The following MEGF11 variants were observed in gnomAD, a reference collection of about 807,000 sequenced individuals.
MEGF11 encodes the protein multiple epidermal growth factor-like domains protein 11.
Under a neutral mutation model 146.6 loss-of-function variants are expected in MEGF11, and 126 were observed. The observed-to-expected ratio is 0.86, with a 90% confidence interval of 0.74 to 1.00. The LOEUF is 1.00. Ranked by LOEUF, MEGF11 falls within the 50% of genes least tolerant of loss-of-function variation. MEGF11 has a pLI of 0.00. For missense variants in MEGF11, 1,509 were observed against 1,521.2 expected (o/e 0.99, Z 0.13); for synonymous variants, 532 against 583.4 (o/e 0.91, Z 1.27).
At chr15:66,221,622 T>TTTTTTTTTTTTTTTTTTTTTTTTTTTTGA (rs1247289020) in intron 1 of MEGF11, among the ~76,000 whole-genome samples, 1 of 151,742 alleles carries the variant, frequency 6.6e-6, no homozygotes, top group Non-Finnish European at 1.5e-5. Context: ...TCTCTTTATT[T>TTTTTTTTTTTTTTTTTTTTTTTTTTTTGA]GAGTATATGT....
chr15:65,947,096 A>G (rs2080222158), intron 10 of MEGF11, among the ~76,000 whole-genome samples: 1 of 152,122 alleles, frequency 6.6e-6, no homozygotes, highest in Non-Finnish European at 1.5e-5. Context: ...TAGTTTTCTT[A>G]TTAGCCCCAC....
At chr15:66,040,022 C>T (rs183303305) in intron 5 of MEGF11, among the ~76,000 whole-genome samples, 17 of 152,022 alleles carry the variant, frequency 1.1e-4, no homozygotes, top group Admixed American at 2.0e-4. Flanking sequence ...GACGGTCAGC[C>T]TTCTCTCATC....
intron 9 of MEGF11, among the ~76,000 whole-genome samples, chr15:65,959,589 CATA>C (rs1246005500): frequency 6.6e-6 from 1 of 152,160 alleles, no homozygotes; most frequent in Non-Finnish European, 1.5e-5. Flanking sequence ...ACTCTGGTCT[CATA>C]ATTCCATTTC....
rs2078370396 is a variant in MEGF11 at position 65,896,990 on chromosome 15, G to T, written c.*944C>A. ...CAATCTCAAGATTTATGAAGAACTT[G>T]AAAGCAAGTACTCTTGAGTCAAGGG... is the stretch of plus-strand genomic sequence containing the variant. On this transcript the variant is annotated 3_prime_UTR_variant, in exon 26 of 26. Coordinates refer to ENST00000395614, the MANE Select transcript of MEGF11 (RefSeq NM_001385028.1). The T allele has an allele frequency of 6.6e-6, 1 of 152,182 alleles. No homozygotes were observed. The highest frequency in any genetic ancestry group is 6.5e-5 in the Admixed American group (1 of 15,282). 9.4% of individuals were successfully genotyped at this position (152,182 alleles called of 1,614,324 possible).
At chr15:66,150,254 T>C (rs543054574) in intron 1 of MEGF11, among the ~76,000 whole-genome samples, 2 of 152,338 alleles carry the variant, frequency 1.3e-5, no homozygotes, top group South Asian at 4.2e-4. Context: ...GGGGTCCAGT[T>C]GGGATCAGGA....
intron 1 of MEGF11, among the ~76,000 whole-genome samples, chr15:66,243,677 TGCA>T (rs1483394674): frequency 6.6e-6 from 1 of 152,224 alleles, no homozygotes; most frequent in African/African-American, 2.4e-5. Context: ...GCTCATCCTC[TGCA>T]GGAGGAGAAA....
intron 9 of MEGF11, among the ~76,000 whole-genome samples, chr15:65,958,691 ACT>A (rs1160774229): frequency 6.6e-6 from 1 of 151,708 alleles, no homozygotes; most frequent in Admixed American, 6.6e-5. Context: ...GTGGGTTAAG[ACT>A]CTTTCTCCCA....
intron 5 of MEGF11, among the ~76,000 whole-genome samples, chr15:66,079,015 C>T (rs985251475): frequency 1.3e-5 from 2 of 152,214 alleles, no homozygotes; most frequent in African/African-American, 2.4e-5. Context: ...AGGAGCCACA[C>T]GTGCCAGGGC....
chr15:65,929,111 CA>C (rs2079478486), intron 12 of MEGF11, among the ~76,000 whole-genome samples: 1 of 152,130 alleles, frequency 6.6e-6, no homozygotes, highest in South Asian at 2.1e-4. Flanking sequence ...CTCAAGGTAA[CA>C]AAGGATGTGA....
chr15:66,092,567 TG>T (rs924196396), intron 5 of MEGF11, among the ~76,000 whole-genome samples: 2 of 152,182 alleles, frequency 1.3e-5, no homozygotes, highest in Non-Finnish European at 2.9e-5. Context: ...AAATTCACTC[TG>T]GGGGGCAAGT....
intron 15 of MEGF11, among the ~76,000 whole-genome samples, chr15:65,920,653 G>T (rs980184712): frequency 1.3e-5 from 2 of 152,216 alleles, no homozygotes; most frequent in African/African-American, 4.8e-5. Context: ...TGGACAGAAG[G>T]GGGGCTGGTG....
At chr15:66,234,321 A>G (rs2092041960) in intron 1 of MEGF11, among the ~76,000 whole-genome samples, 1 of 152,200 alleles carries the variant, frequency 6.6e-6, no homozygotes, top group Non-Finnish European at 1.5e-5. Flanking sequence ...AAGGACCTAG[A>G]TTCTTATTAT....
intron 5 of MEGF11, among the ~76,000 whole-genome samples, chr15:66,037,262 T>A (rs2083759540): frequency 6.6e-6 from 1 of 152,204 alleles, no homozygotes; most frequent in Non-Finnish European, 1.5e-5. Flanking sequence ...GATTTAGCAT[T>A]TCCGTCTCAT....
At chr15:65,922,534 T>C in intron 14 of MEGF11, 62 bp from the exon 15 acceptor site, 1 of 1,484,290 alleles carries the variant, frequency 6.7e-7, no homozygotes, top group South Asian at 1.4e-5. Flanking sequence ...CTAGCTACCC[T>C]TCCTGTTCCA....
intron 1 of MEGF11, among the ~76,000 whole-genome samples, chr15:66,166,731 G>T (rs1385890877): frequency 6.6e-6 from 1 of 151,754 alleles, no homozygotes; most frequent in Non-Finnish European, 1.5e-5. Flanking sequence ...TCCGCCTCTG[G>T]CTGGCTCCGC....
chr15:66,041,416 G>C (rs2083970791), intron 5 of MEGF11, among the ~76,000 whole-genome samples: 1 of 152,236 alleles, frequency 6.6e-6, no homozygotes, highest in African/African-American at 2.4e-5. Flanking sequence ...TTCCATGACA[G>C]TGAATGGAAC....
chr15:66,093,055 T>C (rs2086384493), intron 5 of MEGF11, among the ~76,000 whole-genome samples: 1 of 152,236 alleles, frequency 6.6e-6, no homozygotes, highest in Non-Finnish European at 1.5e-5. Flanking sequence ...TTACCTTTCA[T>C]TGTCTGGCCC....
chr15:66,111,576 C>T (rs558943880), intron 4 of MEGF11, among the ~76,000 whole-genome samples: 5 of 152,206 alleles, frequency 3.3e-5, no homozygotes, highest in Admixed American at 6.5e-5. Flanking sequence ...CCACCCCCAG[C>T]GCAGGCTGGG....
In MEGF11 at chr15:65,913,684, G is replaced by T. The variant is rs2141204320; in HGVS notation, c.2710+53C>A. On this transcript the variant is annotated intron_variant, in intron 20 of 25. Transcript: ENST00000395614. ...AACCCTACAGGCACAACCATTCCTGGGGTATGTGTGTGTGGAGGGGAAGAG... is the reference window on the plus strand; with the variant it reads ...AACCCTACAGGCACAACCATTCCTGTGGTATGTGTGTGTGGAGGGGAAGAG... 2.7e-6 allele frequency: 4 copies of T among 1,467,948 alleles called. No individual in the cohort carries two copies. The South Asian group carries it at 4.8e-5, about 18-fold the overall frequency. The allele number at this position is 1,467,948 out of a possible 1,614,324, so 90.9% of individuals were successfully genotyped here. A position where few individuals can be genotyped will look rare whatever the true frequency, so the allele number is the denominator to read the frequency against.
Sources: gnomAD v4.1 joint callset for allele counts (sites outside exome capture counted in the v4.1 genomes callset) on GRCh38, gnomAD v4.1.1 for gene constraint, MANE v1.5 for transcripts, NCBI Gene and HGNC (gene_info 2026-07-23, HGNC 2026-07-21) for gene names.